Variants in PPARGC1A observed in about 807,000 individuals in gnomAD.
PPARGC1A encodes PPARG coactivator 1 alpha.
A neutral mutation model predicts 88.7 loss-of-function variants in PPARGC1A; 25 were observed. That is an observed-to-expected ratio of 0.28 (90% CI 0.21 to 0.39). The LOEUF (loss-of-function observed/expected upper bound fraction) is 0.39, where lower values mean the gene tolerates loss of function less well. Among genes scored for constraint, PPARGC1A ranks in the 10% least tolerant of loss-of-function variants. PPARGC1A has a pLI of 1.00. For synonymous variants in PPARGC1A, 363 were observed against 355.6 expected (o/e 1.02, Z -0.24); for missense variants, 880 against 968.7 (o/e 0.91, Z 1.22).
the PPARGC1A span, among the ~76,000 whole-genome samples, chr4:23,971,900 T>G: frequency 6.6e-6 from 1 of 152,308 alleles, no homozygotes; most frequent in African/African-American, 2.4e-5. Flanking sequence ...GGCATCTAAC[T>G]TTATTGGTTG....
the PPARGC1A span, among the ~76,000 whole-genome samples, chr4:24,295,852 T>C: frequency 4.0e-5 from 6 of 151,374 alleles, no homozygotes; most frequent in South Asian, 2.1e-4. Context: ...GAAAATGACA[T>C]TGTCATCAAG....
chr4:24,418,689 T>G, the PPARGC1A span, among the ~76,000 whole-genome samples: 1 of 152,220 alleles, frequency 6.6e-6, no homozygotes, highest in South Asian at 2.1e-4. Flanking sequence ...ATTAAGTAAT[T>G]ATACAAAAAT....
At chr4:24,390,231 A>G in the PPARGC1A span, among the ~76,000 whole-genome samples, 2 of 152,124 alleles carry the variant, frequency 1.3e-5, no homozygotes, top group Admixed American at 6.6e-5. Context: ...ACAGGAAGTT[A>G]GCACTTTTTT....
the PPARGC1A span, among the ~76,000 whole-genome samples, chr4:24,208,914 T>C: frequency 6.6e-6 from 1 of 152,022 alleles, no homozygotes; most frequent in Non-Finnish European, 1.5e-5. Flanking sequence ...GAAGAGTTGC[T>C]TAGAGAGGTA....
chr4:24,081,935 C>T, the PPARGC1A span, among the ~76,000 whole-genome samples: 1 of 151,942 alleles, frequency 6.6e-6, no homozygotes, highest in African/African-American at 2.4e-5. Flanking sequence ...ACATTGCTGC[C>T]ACTTCCTCGA....
the PPARGC1A span, among the ~76,000 whole-genome samples, chr4:24,372,049 ATC>A: frequency 6.6e-6 from 1 of 152,094 alleles, no homozygotes; most frequent in Admixed American, 6.5e-5. Flanking sequence ...ATAAAGTTTC[ATC>A]TCTCTCTCTT....
At chr4:24,137,526 G>C in the PPARGC1A span, among the ~76,000 whole-genome samples, 2 of 152,146 alleles carry the variant, frequency 1.3e-5, no homozygotes, top group African/African-American at 2.4e-5. Flanking sequence ...TTTTACAGAT[G>C]CATAAAGAGA....
At chr4:24,098,691 G>T in the PPARGC1A span, among the ~76,000 whole-genome samples, 1 of 152,152 alleles carries the variant, frequency 6.6e-6, no homozygotes, top group African/African-American at 2.4e-5. Context: ...ATTAATTACT[G>T]CATGGCATTA....
At chr4:24,259,501 A>G in the PPARGC1A span, among the ~76,000 whole-genome samples, 1 of 152,198 alleles carries the variant, frequency 6.6e-6, no homozygotes, top group Non-Finnish European at 1.5e-5. Flanking sequence ...CCAACCACAT[A>G]TATGAGGTGG....
At chr4:24,029,971 G>C in the PPARGC1A span, among the ~76,000 whole-genome samples, 5 of 152,100 alleles carry the variant, frequency 3.3e-5, no homozygotes, top group Admixed American at 6.5e-5. Flanking sequence ...CTGCAAGAGG[G>C]AACTCATATT....
At chr4:23,931,242 G>T in the PPARGC1A span, among the ~76,000 whole-genome samples, 1 of 152,104 alleles carries the variant, frequency 6.6e-6, no homozygotes, top group African/African-American at 2.4e-5. Context: ...CCACAGCAGG[G>T]AAACTCGGAC....
At chr4:24,377,169 C>G in the PPARGC1A span, among the ~76,000 whole-genome samples, 3,110 of 151,592 alleles carry the variant, frequency 0.021, 56 homozygotes, top group Non-Finnish European at 0.032. Flanking sequence ...TTCAAGTGCA[C>G]AAAAAGGTCA....
the PPARGC1A span, among the ~76,000 whole-genome samples, chr4:23,936,800 A>G: frequency 6.6e-6 from 1 of 151,964 alleles, no homozygotes; most frequent in Non-Finnish European, 1.5e-5. Context: ...GAACTGGGAG[A>G]TGGAGGTTGC....
chr4:24,306,507 T>A, the PPARGC1A span, among the ~76,000 whole-genome samples: 1 of 152,228 alleles, frequency 6.6e-6, no homozygotes, highest in African/African-American at 2.4e-5. Context: ...GACAGCATAG[T>A]GAACATCCAG....
the PPARGC1A span, among the ~76,000 whole-genome samples, chr4:24,213,278 T>C: frequency 2.6e-5 from 4 of 151,162 alleles, no homozygotes; most frequent in African/African-American, 9.7e-5. Flanking sequence ...GCCATTCTCC[T>C]GCCTCAGCCT....
At chr4:23,933,711 T>C in the PPARGC1A span, among the ~76,000 whole-genome samples, 7 of 152,232 alleles carry the variant, frequency 4.6e-5, no homozygotes. Context: ...AAATCATCCC[T>C]GCCCACTTAT....
At chr4:24,458,992 G>A in the PPARGC1A span, among the ~76,000 whole-genome samples, 1 of 151,942 alleles carries the variant, frequency 6.6e-6, no homozygotes, top group Non-Finnish European at 1.5e-5. Context: ...GTATGGTTTT[G>A]ATTCGATTTT....
chr4:24,063,586 G>A, the PPARGC1A span, among the ~76,000 whole-genome samples: 37,709 of 152,018 alleles, frequency 0.25, 4,939 homozygotes, highest in Admixed American at 0.36. Context: ...ATTAATGTCC[G>A]TAGAGGGCTT....
intron 2 of PPARGC1A, among the ~76,000 whole-genome samples, chr4:23,857,449 A>G (rs1262915279): frequency 6.6e-6 from 1 of 150,828 alleles, no homozygotes; most frequent in East Asian, 2.0e-4. Context: ...GCATATGCAT[A>G]CAGATAAATG....
Sources: gnomAD v4.1 joint callset for allele counts (sites outside exome capture counted in the v4.1 genomes callset) on GRCh38, gnomAD v4.1.1 for gene constraint, MANE v1.5 for transcripts, NCBI Gene and HGNC (gene_info 2026-07-23, HGNC 2026-07-21) for gene names.